The following C4B variants were observed in gnomAD, a reference collection of about 807,000 sequenced individuals.
C4B encodes the protein complement C4B (Chido/Rodgers blood group), also known as complement C4-B.
A neutral mutation model predicts 46.2 loss-of-function variants in C4B; 6 were observed. That is an observed-to-expected ratio of 0.13 (90% CI 0.07 to 0.26). The LOEUF (loss-of-function observed/expected upper bound fraction) is 0.26. Among genes scored for constraint, C4B ranks in the 10% least tolerant of loss-of-function variants. C4B has a pLI of 1.00. For missense variants in C4B, 119 were observed against 560.9 expected (o/e 0.21, Z 7.96); for synonymous variants, 61 against 240.1 (o/e 0.25, Z 6.90).
chr6:32,029,142 A>G lies in C4B; in HGVS notation c.3505-25A>G, dbSNP rs761289499. ...TCAGGAACCCAGGGGTCCAGGCCCA[A>G]GACCCTCCTCCCGTTTTCTTCCAGG... On this transcript the variant is annotated intron_variant, in intron 27 of 40. Coordinates refer to ENST00000435363, the MANE Select transcript of C4B (RefSeq NM_001002029.4). 13 of 1,588,258 alleles carry G rather than the reference A, an allele frequency of 8.2e-6. 1 individual carries two copies. In the East Asian group the frequency reaches 2.5e-4, roughly 30 times the overall value.
In C4B at chr6:32,029,280, T is replaced by C. The variant is rs927727137; in HGVS notation, c.3618T>C (p.Pro1206=). ...TAYALTLTKA[P]ADLRGVAHNN... The stretch of plus-strand genomic sequence containing the variant: ...ATGCCCTGACACTGACCAAGGCCCC[T>C]GCGGACCTGCGGGGTGTTGCCCACA... The change falls in exon 28 of 41, where the codon CCT becomes CCC. Residue 1206 remains proline (P), a synonymous_variant. Coordinates refer to ENST00000435363, the MANE Select transcript of C4B (RefSeq NM_001002029.4). 5.1e-6 allele frequency: 8 copies of C among 1,566,994 alleles called. 1 individual carries two copies. The highest frequency in any genetic ancestry group is 7.0e-6 in the Non-Finnish European group (8 of 1,146,250).
rs368701430 is a variant in C4B at position 32,028,829 on chromosome 6, G to A, written c.3367G>A (p.Val1123Met). ...CGGCTCGTTCCAGGACCTCTCTCCA[G>A]TGATACATAGGAGCATGCAGGTGCG... Reference protein sequence around the residue: ...ADGSFQDLSPVIHRSMQGGLV... With the variant: ...ADGSFQDLSPMIHRSMQGGLV... The change falls in exon 26 of 41, where the codon GTG becomes ATG. Residue 1123 changes from valine (V) to methionine (M), a missense_variant. Coordinates refer to ENST00000435363, the MANE Select transcript of C4B (RefSeq NM_001002029.4). 2 of 1,562,628 alleles carry A rather than the reference G, an allele frequency of 1.3e-6. No individual in the cohort carries two copies. Among genetic ancestry groups the A allele is most frequent in the Non-Finnish European group, 8.7e-7 (1 of 1,144,500 alleles).
At position 32,028,779 on chromosome 6, in the gene C4B, G is replaced by A. The variant is rs769935919; in HGVS notation, c.3317G>A (p.Trp1106Ter). The A allele has an allele frequency of 6.4e-7, 1 of 1,563,728 alleles. No individual in the cohort carries two copies. The highest frequency in any genetic ancestry group is 1.4e-5 in the African/African-American group (1 of 71,040). The change falls in exon 26 of 41, where the codon TGG (tryptophan) becomes TAG (stop). Residue 1106 changes from tryptophan (W) to a stop codon, truncating the protein, a stop_gained. Transcript: ENST00000435363. LOFTEE classifies it high-confidence loss of function. ...SPEKLQETSN[W>*]LLSQQQADGS... is the part of the protein sequence containing the mutation. The stretch of plus-strand genomic sequence containing the variant: ...GAGAAACTGCAGGAGACATCTAACT[G>A]GCTTCTGTCCCAGCAGCAGGCTGAC...
intron 19 of C4B, 89 bp from the exon 20 acceptor site, chr6:32,026,893 TG>T: frequency 1.1e-6 from 1 of 876,912 alleles, no homozygotes; most frequent in Non-Finnish European, 1.7e-6. Context: ...GAGACAGAGC[TG>T]GGTCACCCCC....
At position 32,028,828 on chromosome 6, in the gene C4B, A is replaced by G. The variant is rs753631255; in HGVS notation, c.3366A>G (p.Pro1122=). Residue 1122 remains proline (P), a synonymous_variant, in exon 26 of 41, where the codon CCA becomes CCG. Transcript: ENST00000435363. ...QADGSFQDLS[P]VIHRSMQGGL... is the part of the protein sequence containing the mutation. ...ACGGCTCGTTCCAGGACCTCTCTCC[A>G]GTGATACATAGGAGCATGCAGGTGC... 11 of 1,562,178 alleles carry G rather than the reference A, an allele frequency of 7.0e-6. No homozygotes were observed. Among genetic ancestry groups the G allele is most frequent in the Middle Eastern group, 3.3e-4 (2 of 5,976 alleles).
chr6:32,028,501 G>T lies in C4B; in HGVS notation c.3199G>T (p.Ala1067Ser). ...GTTTCGGAAGGCGGATGGTTCCTAT[G>T]CGGCTTGGTTGTCACGGGGCAGCAG... ...QQFRKADGSYAAWLSRGSSTW... is the reference protein window; with the variant it reads ...QQFRKADGSYSAWLSRGSSTW... The change falls in exon 25 of 41, where the codon GCG becomes TCG. Residue 1067 changes from alanine (A) to serine (S), a missense_variant. Ala to Ser is a moderately conservative substitution (Grantham distance 99, BLOSUM62 1). Transcript: ENST00000435363. The T allele has an allele frequency of 6.5e-7, 1 of 1,536,128 alleles. No homozygotes were observed. The highest frequency in any genetic ancestry group is 8.9e-7 in the Non-Finnish European group (1 of 1,123,016).
Position 32,028,093 on chromosome 6 carries a change from C to T in C4B, c.2970C>T (p.Gly990=), listed in dbSNP as rs1475966416. The T allele has an allele frequency of 3.9e-6, 1 of 256,122 alleles. No individual in the cohort carries two copies. The highest frequency in any genetic ancestry group is 1.2e-4 in the African/African-American group (1 of 8,154). 15.9% of individuals were successfully genotyped at this position (256,122 alleles called of 1,614,324 possible). ...CCTCAGATCCATTGGACACTTTAGG[C>T]TCTGAGGGGGCCTTGTCACCAGGAG... ...VTASDPLDTL[G]SEGALSPGGV... The change falls in exon 24 of 41, where the codon GGC becomes GGT. Residue 990 remains glycine, a synonymous_variant. Transcript: ENST00000435363.
At position 32,029,123 on chromosome 6, in the gene C4B, A is replaced by T. The variant is rs374948395; in HGVS notation, c.3505-44A>T. On this transcript the variant is annotated intron_variant, in intron 27 of 40. Coordinates refer to ENST00000435363, the MANE Select transcript of C4B (RefSeq NM_001002029.4). ...CAGCTCTCTCCCTTTTTCCTCAGGAACCCAGGGGTCCAGGCCCAAGACCCT... is the reference window on the plus strand; with the variant it reads ...CAGCTCTCTCCCTTTTTCCTCAGGATCCCAGGGGTCCAGGCCCAAGACCCT... The T allele has an allele frequency of 5.7e-5, 90 of 1,584,496 alleles. 3 individuals carry two copies. In the African/African-American group the frequency reaches 1.1e-3, roughly 20 times the overall value.
Position 32,028,949 on chromosome 6 carries a change from G to T in C4B, c.3392G>T (p.Gly1131Val), listed in dbSNP as rs1179245792. ...CATCTTTTCTCCCCTTACTAGGGGGGTTTGGTGGGCAATGATGAGACTGTG... is the reference window on the plus strand; with the variant it reads ...CATCTTTTCTCCCCTTACTAGGGGGTTTTGGTGGGCAATGATGAGACTGTG... ...SPVIHRSMQG[G>V]LVGNDETVAL... Residue 1131 changes from glycine (G) to valine (V), a missense_variant, in exon 27 of 41, where the codon GGT (glycine) becomes GTT (valine). Physicochemically the swap from Gly to Val is moderately radical, Grantham distance 109. Coordinates refer to ENST00000435363, the MANE Select transcript of C4B (RefSeq NM_001002029.4). The T allele has an allele frequency of 7.1e-6, 11 of 1,556,734 alleles. No homozygotes were observed. Among genetic ancestry groups the T allele is most frequent in the Non-Finnish European group, 9.7e-6 (11 of 1,136,958 alleles).
chr6:32,029,102 T>C, intron 27 of C4B, 41 bp downstream of exon 27: 1 of 1,577,280 alleles, frequency 6.3e-7, no homozygotes, highest in Middle Eastern at 2.2e-4. Flanking sequence ...GGCCCCCAGC[T>C]CTCTCCCTTT....
rs1395243057 is a variant in C4B at position 32,028,537 on chromosome 6, G to A, written c.3230+5G>A. The A allele has an allele frequency of 1.9e-6, 3 of 1,539,230 alleles. No individual in the cohort carries two copies. The highest frequency in any genetic ancestry group is 2.7e-6 in the Non-Finnish European group (3 of 1,124,464). ...GTCACGGGGCAGCAGCACCTGGTGA[G>A]CTTGGGAGAGTGGTTCCAGGGTTCT... On this transcript the variant is annotated splice_donor_5th_base_variant and intron_variant, in intron 25 of 40. Transcript: ENST00000435363.
Position 32,029,235 on chromosome 6 carries a change from C to T in C4B, c.3573C>T (p.His1191=), listed in dbSNP as rs369667425. The T allele has an allele frequency of 2.1e-5, 34 of 1,590,940 alleles. 3 individuals are homozygous for T. In the African/African-American group the frequency reaches 2.6e-4, roughly 12 times the overall value. The change falls in exon 28 of 41, where the codon CAC becomes CAT. Residue 1191 remains histidine (H), a synonymous_variant. Coordinates refer to ENST00000435363, the MANE Select transcript of C4B (RefSeq NM_001002029.4). The part of the protein sequence containing the change: ...EKASAGLLGA[H]AAAITAYALT... ...CAAGTGCTGGGCTCCTGGGTGCCCA[C>T]GCAGCTGCCATCACGGCCTATGCCC...
At position 32,029,307 on chromosome 6, in the gene C4B, C is replaced by T. The variant is rs1053072409; in HGVS notation, c.3645C>T (p.Asn1215=). Residue 1215 remains asparagine, a synonymous_variant, in exon 28 of 41, where the codon AAC becomes AAT. Coordinates refer to ENST00000435363, the MANE Select transcript of C4B (RefSeq NM_001002029.4). ...CGGACCTGCGGGGTGTTGCCCACAA[C>T]AACCTCATGGCAATGGCCCAGGAGA... The part of the protein sequence containing the change: ...APADLRGVAH[N]NLMAMAQETG... 3.8e-6 allele frequency: 6 copies of T among 1,565,710 alleles called. 1 individual carries two copies. The highest frequency in any genetic ancestry group is 5.2e-6 in the Non-Finnish European group (6 of 1,145,738).
Position 32,028,841 on chromosome 6 carries a change from A to T in C4B, c.3379A>T (p.Ser1127Cys). The T allele has an allele frequency of 6.4e-7, 1 of 1,562,372 alleles. No individual in the cohort carries two copies. The highest frequency in any genetic ancestry group is 1.1e-5 in the South Asian group (1 of 88,176). Residue 1127 changes from serine (S) to cysteine (C), a missense_variant, in exon 26 of 41, where the codon AGC (serine) becomes TGC (cysteine). Coordinates refer to ENST00000435363, the MANE Select transcript of C4B (RefSeq NM_001002029.4). ...GGACCTCTCTCCAGTGATACATAGG[A>T]GCATGCAGGTGCGGGCATGCTGGGG... ...FQDLSPVIHR[S>C]MQGGLVGNDE...
intron 26 of C4B, 39 bp from the exon 27 acceptor site, chr6:32,028,906 C>T: frequency 6.4e-7 from 1 of 1,564,624 alleles, no homozygotes. Flanking sequence ...CTCTTTGCCC[C>T]TTCCCCCTCC....
Position 32,029,140 on chromosome 6 carries a change from C to T in C4B, c.3505-27C>T, listed in dbSNP as rs1225032304. 2.5e-6 allele frequency: 4 copies of T among 1,588,286 alleles called. No individual in the cohort carries two copies. The Admixed American group carries it at 6.7e-5, about 27-fold the overall frequency. ...CCTCAGGAACCCAGGGGTCCAGGCC[C>T]AAGACCCTCCTCCCGTTTTCTTCCA... On this transcript the variant is annotated intron_variant, in intron 27 of 40. Coordinates refer to ENST00000435363, the MANE Select transcript of C4B (RefSeq NM_001002029.4).
chr6:32,030,535 G>GGTGGAGGAGAGGGT (rs1775857346), intron 31 of C4B, 34 bp downstream of exon 31: 3 of 366,714 alleles, frequency 8.2e-6, no homozygotes, highest in Non-Finnish European at 1.4e-5. Flanking sequence ...GCCAGGCACT[G>GGTGGAGGAGAGGGT]GTGGAGGAGA....
rs1775757196 is a variant in C4B at position 32,029,247 on chromosome 6, C to T, written c.3585C>T (p.Ile1195=). 3.8e-6 allele frequency: 6 copies of T among 1,588,398 alleles called. 1 individual carries two copies. The East Asian group carries it at 6.7e-5, about 18-fold the overall frequency. ...TCCTGGGTGCCCACGCAGCTGCCAT[C>T]ACGGCCTATGCCCTGACACTGACCA... ...AGLLGAHAAA[I]TAYALTLTKA... is the part of the protein sequence containing the mutation. Residue 1195 remains isoleucine (I), a synonymous_variant, in exon 28 of 41, where the codon ATC becomes ATT. Transcript: ENST00000435363.
rs370516666 is a variant in C4B at position 32,028,750 on chromosome 6, G to A, written c.3288G>A (p.Ser1096=). ...TGGCCCAGGAGCAGGTAGGAGGCTCGCCTGAGAAACTGCAGGAGACATCTA... is the reference window on the plus strand; with the variant it reads ...TGGCCCAGGAGCAGGTAGGAGGCTCACCTGAGAAACTGCAGGAGACATCTA... ...LSLAQEQVGG[S]PEKLQETSNW... The change falls in exon 26 of 41, where the codon TCG becomes TCA. Residue 1096 remains serine (S), a synonymous_variant. Coordinates refer to ENST00000435363, the MANE Select transcript of C4B (RefSeq NM_001002029.4). 1.6e-5 allele frequency: 25 copies of A among 1,557,162 alleles called. 2 individuals carry two copies. The highest frequency in any genetic ancestry group is 2.0e-5 in the Non-Finnish European group (23 of 1,142,274).
Sources: gnomAD v4.1 joint callset for allele counts on GRCh38, gnomAD v4.1.1 for gene constraint, MANE v1.5 for transcripts, NCBI Gene and HGNC (gene_info 2026-07-23, HGNC 2026-07-21) for gene names.